SLC7A1: variants seen among roughly 807,000 people sequenced by gnomAD.
The protein encoded by SLC7A1 is high affinity cationic amino acid transporter 1.
A neutral mutation model predicts 53.9 loss-of-function variants in SLC7A1; 10 were observed. The ratio of observed to expected loss-of-function variants is 0.19; its 90% confidence interval spans 0.11 to 0.31. SLC7A1 has a LOEUF of 0.31. Among genes scored for constraint, SLC7A1 ranks in the 10% least tolerant of loss-of-function variants. SLC7A1 has a pLI of 1.00. For missense variants in SLC7A1, 525 were observed against 827.2 expected (o/e 0.63, Z 4.48); for synonymous variants, 342 against 338.7 (o/e 1.01, Z -0.11).
Position 29,532,997 on chromosome 13 carries a change from A to G in SLC7A1, c.371-15T>C. ...GCTTGAAGTACCTGCCACAAAGCACACACAACAGAGGAGATGTGAGGACAA... is the reference window on the plus strand; with the variant it reads ...GCTTGAAGTACCTGCCACAAAGCACGCACAACAGAGGAGATGTGAGGACAA... On this transcript the variant is annotated splice_polypyrimidine_tract_variant and intron_variant, in intron 3 of 12. Coordinates refer to ENST00000380752, the MANE Select transcript of SLC7A1 (RefSeq NM_003045.5). 6.2e-7 allele frequency: 1 copy of G among 1,609,682 alleles called. No individual in the cohort carries two copies. Among genetic ancestry groups the G allele is most frequent in the Non-Finnish European group, 8.5e-7 (1 of 1,177,760 alleles).
chr13:29,572,680 C>T (rs1871249903), intron 1 of SLC7A1, among the ~76,000 whole-genome samples: 1 of 152,168 alleles, frequency 6.6e-6, no homozygotes, highest in South Asian at 2.1e-4. Flanking sequence ...CGCTCTGGTT[C>T]CCCCAGTCGT....
chr13:29,561,717 G>T (rs144354240), intron 1 of SLC7A1, among the ~76,000 whole-genome samples: 10 of 152,110 alleles, frequency 6.6e-5, no homozygotes, highest in African/African-American at 2.2e-4. Flanking sequence ...GAACCACAAG[G>T]GCAGGCCCCA....
chr13:29,557,751 T>A, intron 1 of SLC7A1, among the ~76,000 whole-genome samples: 1 of 95,218 alleles, frequency 1.1e-5, no homozygotes, highest in East Asian at 3.0e-4. Context: ...GGAGTGAATG[T>A]GAGGGAGGAG....
chr13:29,529,631 T>C (rs1034184069), intron 5 of SLC7A1, among the ~76,000 whole-genome samples: 1 of 152,240 alleles, frequency 6.6e-6, no homozygotes, highest in Admixed American at 6.5e-5. Flanking sequence ...CAGAGGCCTG[T>C]GGCAAAGCTG....
chr13:29,530,450 G>T, intron 5 of SLC7A1, 88 bp downstream of exon 5: 2 of 1,171,028 alleles, frequency 1.7e-6, no homozygotes, highest in Non-Finnish European at 2.5e-6. Context: ...TTTCTTAAAA[G>T]CACATGCCAT....
intron 1 of SLC7A1, among the ~76,000 whole-genome samples, chr13:29,591,016 G>A (rs947946778): frequency 6.6e-6 from 1 of 152,086 alleles, no homozygotes; most frequent in African/African-American, 2.4e-5. Flanking sequence ...AGGCTGAGGT[G>A]GGAGGATCGC....
chr13:29,549,325 C>G (rs768567639), intron 2 of SLC7A1, among the ~76,000 whole-genome samples: 1 of 152,184 alleles, frequency 6.6e-6, no homozygotes, highest in Non-Finnish European at 1.5e-5. Context: ...GATGCGGGAC[C>G]AGTGCCATTC....
At chr13:29,515,712 C>T (rs1883534732) in intron 12 of SLC7A1, among the ~76,000 whole-genome samples, 1 of 152,228 alleles carries the variant, frequency 6.6e-6, no homozygotes, top group Admixed American at 6.5e-5. Flanking sequence ...AGTGGCATCT[C>T]CCATAGGCTC....
At chr13:29,594,854 G>A (rs916318600) in intron 1 of SLC7A1, among the ~76,000 whole-genome samples, 5 of 152,204 alleles carry the variant, frequency 3.3e-5, no homozygotes, top group African/African-American at 7.2e-5. Context: ...GGGGATGGCA[G>A]CAGAGTCCCT....
chr13:29,536,189 G>A lies in SLC7A1; in HGVS notation c.-1C>T. On this transcript the variant is annotated 5_prime_UTR_variant, in exon 3 of 13. Transcript: ENST00000380752. ...TGTTGAGCAGGACTTTGCACCCCAT[G>A]TTGCTGTTCAGAGCTGTTGAAAAAG... 6.2e-7 allele frequency: 1 copy of A among 1,611,536 alleles called. No individual in the cohort carries two copies. The highest frequency in any genetic ancestry group is 8.5e-7 in the Non-Finnish European group (1 of 1,178,214).
In SLC7A1 at chr13:29,519,670, C is replaced by T. The variant is rs1392847841; in HGVS notation, c.1190-121G>A. The T allele has an allele frequency of 6.8e-6, 4 of 589,946 alleles. No individual in the cohort carries two copies. In the African/African-American group the frequency reaches 7.5e-5, roughly 11 times the overall value. 36.5% of individuals were successfully genotyped at this position (589,946 alleles called of 1,614,324 possible). ...GGGCTGCTTTTACTCCCACCCCCTC[C>T]CTGGCCTTCCCATGGAAAGACACAG... On this transcript the variant is annotated intron_variant, in intron 8 of 12. Transcript: ENST00000380752.
chr13:29,575,592 C>T (rs1871376872), intron 1 of SLC7A1, among the ~76,000 whole-genome samples: 1 of 152,170 alleles, frequency 6.6e-6, no homozygotes, highest in Admixed American at 6.5e-5. Context: ...ACAAATGTGC[C>T]ATACTTCTGC....
At chr13:29,531,552 A>G (rs1271257569) in intron 4 of SLC7A1, among the ~76,000 whole-genome samples, 1 of 152,238 alleles carries the variant, frequency 6.6e-6, no homozygotes, top group Non-Finnish European at 1.5e-5. Context: ...TTTAAAATAA[A>G]AATTGGCTAG....
At position 29,512,678 on chromosome 13, in the gene SLC7A1, A is replaced by G. The variant is rs1004578453; in HGVS notation, c.*1802T>C. On this transcript the variant is annotated 3_prime_UTR_variant, in exon 13 of 13. Coordinates refer to ENST00000380752, the MANE Select transcript of SLC7A1 (RefSeq NM_003045.5). ...ACAACACCAATCTCCATAAATGTCA[A>G]TATCACTCTTTGGAAATCGGAGCTC... The G allele has an allele frequency of 6.6e-6, 1 of 152,256 alleles. No individual in the cohort carries two copies. Among genetic ancestry groups the G allele is most frequent in the Non-Finnish European group, 1.5e-5 (1 of 68,048 alleles). The allele number at this position is 152,256 out of a possible 1,614,324, so 9.4% of individuals were successfully genotyped here.
rs645783 is a variant in SLC7A1 at position 29,562,632 on chromosome 13, A to G, written c.-114-8772T>C. On this transcript the variant is annotated intron_variant, in intron 1 of 12. Transcript: ENST00000380752. ...CTGAACCTGGCCAACTAACATATGC[A>G]TTACCTCGCACAGTTATCATTGTTG... Among the ~76,000 whole-genome samples, 537 of 152,266 alleles carry G rather than the reference A, an allele frequency of 3.5e-3. 4 individuals carry two copies. The highest frequency in any genetic ancestry group is 0.012 in the African/African-American group (504 of 41,544).
rs1039623541 is a variant in SLC7A1 at position 29,510,308 on chromosome 13, C to T, written c.*4172G>A. ...AGGAATCGAGGGGTGAAGATGGAGT[C>T]GGCTGACATTTTTTGCCTTAAAAAT... On this transcript the variant is annotated 3_prime_UTR_variant, in exon 13 of 13. Coordinates refer to ENST00000380752, the MANE Select transcript of SLC7A1 (RefSeq NM_003045.5). 1 of 152,540 alleles carries T rather than the reference C, an allele frequency of 6.6e-6. No individual in the cohort carries two copies. Among genetic ancestry groups the T allele is most frequent in the East Asian group, 1.9e-4 (1 of 5,190 alleles). The allele number at this position is 152,540 out of a possible 1,614,324, so 9.4% of individuals were successfully genotyped here.
chr13:29,567,583 C>T (rs1342729999), intron 1 of SLC7A1, among the ~76,000 whole-genome samples: 2 of 152,206 alleles, frequency 1.3e-5, no homozygotes, highest in African/African-American at 2.4e-5. Flanking sequence ...CTTTTCTCTG[C>T]CAAGGCACAC....
At chr13:29,572,087 G>A (rs1217149812) in intron 1 of SLC7A1, among the ~76,000 whole-genome samples, 1 of 152,232 alleles carries the variant, frequency 6.6e-6, no homozygotes, top group Non-Finnish European at 1.5e-5. Context: ...AGGCACCAAT[G>A]CCCAGGTCTG....
chr13:29,568,211 G>C (rs1385571451), intron 1 of SLC7A1, among the ~76,000 whole-genome samples: 9 of 152,172 alleles, frequency 5.9e-5, no homozygotes, highest in Admixed American at 5.9e-4. Context: ...ATCCACTCCA[G>C]ACCACAGTCT....
Sources: allele counts gnomAD v4.1 joint callset (sites outside exome capture counted in the v4.1 genomes callset), GRCh38; gene constraint gnomAD v4.1.1; transcripts MANE v1.5; gene names NCBI Gene and HGNC (gene_info 2026-07-23, HGNC 2026-07-21).